Variants in MAP3K4 observed in about 807,000 individuals in gnomAD.
The protein encoded by MAP3K4 is MAP three kinase 1.
A neutral mutation model predicts 185.6 loss-of-function variants in MAP3K4; 67 were observed. That is an observed-to-expected ratio of 0.36 (90% confidence interval 0.30 to 0.44). The LOEUF is 0.44. Among genes scored for constraint, MAP3K4 ranks in the 20% least tolerant of loss-of-function variants. The pLI, the probability that MAP3K4 is intolerant of heterozygous loss-of-function variation, is 1.00. For missense variants in MAP3K4, 1,551 were observed against 1,995.1 expected, an observed-to-expected ratio of 0.78 and a Z score of 4.24; for synonymous variants, 702 against 710.4, an observed-to-expected ratio of 0.99 and a Z score of 0.19.
intron 1 of MAP3K4, among the ~76,000 whole-genome samples, chr6:161,019,957 A>C (rs1782301250): frequency 6.6e-6 from 1 of 152,230 alleles, no homozygotes. Flanking sequence ...AAATTATTTT[A>C]TTCACTGCAT....
chr6:161,095,417 C>A (rs1415053400), intron 15 of MAP3K4, among the ~76,000 whole-genome samples: 1 of 152,164 alleles, frequency 6.6e-6, no homozygotes, highest in Non-Finnish European at 1.5e-5. Context: ...AAAATGAGAG[C>A]ACATCAACTG....
chr6:161,080,607 T>C lies in MAP3K4; in HGVS notation c.2098-274T>C. On this transcript the variant is annotated intron_variant, in intron 5 of 26. Transcript: ENST00000392142. This position sits in a 1 kb window ranked among gnomAD's most constrained non-coding sequence, Gnocchi z 4.8. ...ACTGTTCTTTTGATTTTTTCCCCTT[T>C]ATTGTAGATTGTGAACATTTTTGTT... 2.6e-6 allele frequency: 1 copy of C among 384,168 alleles called. No homozygotes were observed. The highest frequency in any genetic ancestry group is 2.6e-5 in the South Asian group (1 of 39,054). The allele number at this position is 384,168 out of a possible 1,614,324, so 23.8% of individuals were successfully genotyped here.
At position 161,096,870 on chromosome 6, in the gene MAP3K4, G is replaced by A; in HGVS notation, c.3428-210G>A. On this transcript the variant is annotated intron_variant, in intron 15 of 26. Coordinates refer to ENST00000392142, the MANE Select transcript of MAP3K4 (RefSeq NM_005922.4). This position sits in a 1 kb window ranked among gnomAD's most constrained non-coding sequence, Gnocchi z 4.9. ...AAAATGTTTTTTGATGGAGAAAACTGTTAATATATAATAGGGCTTTACTGA... is the reference window on the plus strand; with the variant it reads ...AAAATGTTTTTTGATGGAGAAAACTATTAATATATAATAGGGCTTTACTGA... 2.2e-6 allele frequency: 1 copy of A among 464,862 alleles called. No individual in the cohort carries two copies. The highest frequency in any genetic ancestry group is 4.7e-5 in the South Asian group (1 of 21,450). The allele number at this position is 464,862 out of a possible 1,614,324, so 28.8% of individuals were successfully genotyped here.
Position 161,076,304 on chromosome 6 carries a change from G to A in MAP3K4, c.2097+2692G>A, listed in dbSNP as rs922196932. Among the ~76,000 whole-genome samples, 2 of 152,178 alleles carry A rather than the reference G, an allele frequency of 1.3e-5. No individual in the cohort carries two copies. The highest frequency in any genetic ancestry group is 4.8e-5 in the African/African-American group (2 of 41,436). On this transcript the variant is annotated intron_variant, in intron 5 of 26. Transcript: ENST00000392142. This position sits in a 1 kb window ranked among gnomAD's most constrained non-coding sequence, Gnocchi z 4.2. Reference sequence around the variant, plus strand: ...AAGAGCTGCCCGACAGAAGGAGCGCGAGCTATACCGCAGCCTTCTCTGGTT... The same window carrying A: ...AAGAGCTGCCCGACAGAAGGAGCGCAAGCTATACCGCAGCCTTCTCTGGTT...
chr6:161,031,279 T>C (rs1782917859), intron 1 of MAP3K4, among the ~76,000 whole-genome samples: 2 of 152,350 alleles, frequency 1.3e-5, no homozygotes, highest in African/African-American at 2.4e-5. Flanking sequence ...CTTGTACTTT[T>C]ATTTGACAGT....
Position 161,034,531 on chromosome 6 carries a change from C to A in MAP3K4, c.343+82C>A. Reference sequence around the variant, plus strand: ...CTTTCAACAATAAAGTTAGCAATTTCTTTTATTTTTAATTTGATTTTAATG... The same window carrying A: ...CTTTCAACAATAAAGTTAGCAATTTATTTTATTTTTAATTTGATTTTAATG... On this transcript the variant is annotated intron_variant, in intron 2 of 26. Coordinates refer to ENST00000392142, the MANE Select transcript of MAP3K4 (RefSeq NM_005922.4). The surrounding 1 kb of genome is among the most constrained non-coding windows in gnomAD (Gnocchi z 4.4). The A allele has an allele frequency of 2.6e-6, 3 of 1,167,860 alleles. No homozygotes were observed. The highest frequency in any genetic ancestry group is 1.8e-5 in the South Asian group (1 of 55,632). The allele number at this position is 1,167,860 out of a possible 1,614,324, so 72.3% of individuals were successfully genotyped here.
At chr6:161,058,060 G>T (rs530806437) in intron 3 of MAP3K4, among the ~76,000 whole-genome samples, 1 of 152,328 alleles carries the variant, frequency 6.6e-6, no homozygotes, top group East Asian at 1.9e-4. Flanking sequence ...CTCGCTACAT[G>T]CCGGGGCAAG....
intron 1 of MAP3K4, among the ~76,000 whole-genome samples, chr6:160,995,653 CTGT>C (rs1416582537): frequency 1.3e-5 from 2 of 152,192 alleles, no homozygotes; most frequent in Non-Finnish European, 2.9e-5. Flanking sequence ...ATAAGGATAG[CTGT>C]TGTTATTGTT....
chr6:161,083,252 C>G (rs1785542425), intron 6 of MAP3K4, among the ~76,000 whole-genome samples: 1 of 152,202 alleles, frequency 6.6e-6, no homozygotes, highest in African/African-American at 2.4e-5. Flanking sequence ...GCTTTTTTCT[C>G]TGTTCCTTTT....
intron 10 of MAP3K4, 73 bp from the exon 11 acceptor site, chr6:161,089,249 G>A: frequency 6.7e-7 from 1 of 1,495,358 alleles, no homozygotes; most frequent in South Asian, 1.3e-5. Context: ...ATTGTTTTTG[G>A]ACTGGTGTTG....
rs988321992 is a variant in MAP3K4, at chr6:161,067,547, G to A, written c.1708-3061G>A. 1.3e-5 allele frequency among the ~76,000 whole-genome samples: 2 copies of A among 152,170 alleles called. No individual in the cohort carries two copies. Among genetic ancestry groups the A allele is most frequent in the African/African-American group, 4.8e-5 (2 of 41,438 alleles). On this transcript the variant is annotated intron_variant, in intron 3 of 26. Transcript: ENST00000392142. The surrounding 1 kb of genome is among the most constrained non-coding windows in gnomAD (Gnocchi z 6.3). ...ATTCTTGCCTGTTAGGGAAACCCAG[G>A]TGTGTACTAATTTAAGTGCAAAAGT... is the stretch of plus-strand genomic sequence containing the variant.
rs1482614785 is a variant in MAP3K4, at chr6:161,076,796, A to G, written c.2097+3184A>G. ...AAGCTCTTAAGTTTTCATCCTACAG[A>G]TAATTATTGGGTATCCACTGTGTGC... On this transcript the variant is annotated intron_variant, in intron 5 of 26. Transcript: ENST00000392142. This position sits in a 1 kb window ranked among gnomAD's most constrained non-coding sequence, Gnocchi z 4.2. Among the ~76,000 whole-genome samples the G allele has an allele frequency of 4.6e-5, 7 of 152,186 alleles. No homozygotes were observed. The highest frequency in any genetic ancestry group is 4.6e-4 in the Admixed American group (7 of 15,284).
chr6:161,097,296 C>A lies in MAP3K4; in HGVS notation c.3524+120C>A. On this transcript the variant is annotated intron_variant, in intron 16 of 26. Transcript: ENST00000392142. The surrounding 1 kb of genome is among the most constrained non-coding windows in gnomAD (Gnocchi z 4.9). ...AAATACCTTTTCTGCATTGTTCGTACGTAAAAGCTCTTACTTGCATTATCT... is the reference window on the plus strand; with the variant it reads ...AAATACCTTTTCTGCATTGTTCGTAAGTAAAAGCTCTTACTTGCATTATCT... The A allele has an allele frequency of 2.7e-6, 2 of 751,006 alleles. No homozygotes were observed. The highest frequency in any genetic ancestry group is 4.3e-6 in the Non-Finnish European group (2 of 462,970). The allele number at this position is 751,006 out of a possible 1,614,324, so 46.5% of individuals were successfully genotyped here. A position where few individuals can be genotyped will look rare whatever the true frequency, so the allele number is the denominator to read the frequency against.
At chr6:160,997,523 T>C (rs988986613) in intron 1 of MAP3K4, among the ~76,000 whole-genome samples, 18 of 152,232 alleles carry the variant, frequency 1.2e-4, no homozygotes, top group African/African-American at 4.1e-4. Flanking sequence ...TTTGGGGTGG[T>C]ACCTGAGTAG....
chr6:161,107,847 AAGAC>A lies in MAP3K4; in HGVS notation c.4049-49_4049-46del. On this transcript the variant is annotated intron_variant, in intron 20 of 26. Coordinates refer to ENST00000392142, the MANE Select transcript of MAP3K4 (RefSeq NM_005922.4). This position sits in a 1 kb window ranked among gnomAD's most constrained non-coding sequence, Gnocchi z 6.2. ...GTATTATTACAAGTTTAAGGAATGT[AAGAC>A]AGCCCCCTGCAGTGGCTGGAAGTGC... The A allele has an allele frequency of 8.0e-7, 1 of 1,254,752 alleles. No homozygotes were observed. The allele number at this position is 1,254,752 out of a possible 1,614,324, so 77.7% of individuals were successfully genotyped here.
intron 15 of MAP3K4, among the ~76,000 whole-genome samples, chr6:161,094,746 TGTC>T (rs1457666952): frequency 1.3e-5 from 2 of 152,208 alleles, no homozygotes; most frequent in African/African-American, 4.8e-5. Context: ...CTCCCAAGGT[TGTC>T]GTGAAAATGA....
At chr6:161,015,173 G>A (rs1782031673) in intron 1 of MAP3K4, among the ~76,000 whole-genome samples, 1 of 152,120 alleles carries the variant, frequency 6.6e-6, no homozygotes, top group Non-Finnish European at 1.5e-5. Context: ...CCAGGGACAT[G>A]GATGGAGCTG....
Position 161,108,812 on chromosome 6 carries a change from A to C in MAP3K4, c.4189A>C (p.Ile1397Leu). The change falls in exon 22 of 27, where the codon ATC (isoleucine) becomes CTC (leucine). Residue 1397 changes from isoleucine to leucine, a missense_variant. By Grantham distance (5) the Ile-to-Leu change is conservative (BLOSUM62 2). Transcript: ENST00000392142. The surrounding 1 kb of genome is among the most constrained non-coding windows in gnomAD (Gnocchi z 5.7). Reference protein sequence around the residue: ...TADELKIFEGIKHPNLVRYFG... With the variant: ...TADELKIFEGLKHPNLVRYFG... Reference sequence around the variant, plus strand: ...AGACGAATTGAAAATATTCGAAGGCATCAAACACCCCAATCTGGTTCGGTA... The same window carrying C: ...AGACGAATTGAAAATATTCGAAGGCCTCAAACACCCCAATCTGGTTCGGTA... 1 of 1,614,210 alleles carries C rather than the reference A, an allele frequency of 6.2e-7. No individual in the cohort carries two copies. Among genetic ancestry groups the C allele is most frequent in the Non-Finnish European group, 8.5e-7 (1 of 1,180,010 alleles).
rs1350104145 is a variant in MAP3K4 at position 161,080,616 on chromosome 6, T to C, written c.2098-265T>C. ...TTGATTTTTTCCCCTTTATTGTAGA[T>C]TGTGAACATTTTTGTTGTTAGGATT... is the stretch of plus-strand genomic sequence containing the variant. On this transcript the variant is annotated intron_variant, in intron 5 of 26. Transcript: ENST00000392142. The surrounding 1 kb of genome is among the most constrained non-coding windows in gnomAD (Gnocchi z 4.8). 9.8e-6 allele frequency: 4 copies of C among 406,890 alleles called. No homozygotes were observed. Among genetic ancestry groups the C allele is most frequent in the Non-Finnish European group, 1.8e-5 (4 of 222,856 alleles). The allele number at this position is 406,890 out of a possible 1,614,324, so 25.2% of individuals were successfully genotyped here. A position where few individuals can be genotyped will look rare whatever the true frequency, so the allele number is the denominator to read the frequency against.
Sources: allele counts gnomAD v4.1 joint callset (sites outside exome capture counted in the v4.1 genomes callset), GRCh38; gene constraint gnomAD v4.1.1; non-coding constraint Gnocchi (gnomAD v3.1); transcripts MANE v1.5; gene names NCBI Gene and HGNC (gene_info 2026-07-23, HGNC 2026-07-21).